Variants in CPA5 observed in about 807,000 individuals in gnomAD.
CPA5 encodes carboxypeptidase A5.
A neutral mutation model predicts 52.2 loss-of-function variants in CPA5; 38 were observed. The observed-to-expected ratio is 0.73, with a 90% CI of 0.56 to 0.95. CPA5 has a LOEUF of 0.95. CPA5 is among the 40% of genes least tolerant of loss of function. The pLI is 0.00. For synonymous variants in CPA5, 198 were observed against 213.7 expected (o/e 0.93, Z 0.64); for missense variants, 519 against 566.7 (o/e 0.92, Z 0.86).
At position 130,347,941 on chromosome 7, in the gene CPA5, C is replaced by A. The variant is rs67016751; in HGVS notation, c.198+94C>A. 4 of 946,156 alleles carry A rather than the reference C, an allele frequency of 4.2e-6. No individual in the cohort carries two copies. In the African/African-American group the frequency reaches 4.9e-5, roughly 12 times the overall value. 58.6% of individuals were successfully genotyped at this position (946,156 alleles called of 1,614,324 possible). A position where few individuals can be genotyped will look rare whatever the true frequency, so the allele number is the denominator to read the frequency against. On this transcript the variant is annotated intron_variant, in intron 4 of 12. Transcript: ENST00000474905. ...CCTGCCCCCCTTTATCCCAAACCTG[C>A]CCTCCTGAGGTCCCTGCAAAGAGCA...
chr7:130,363,442 G>A lies in CPA5; in HGVS notation c.771G>A (p.Lys257=). The change falls in exon 10 of 13, where the codon AAG becomes AAA. Residue 257 remains lysine, a synonymous_variant. Transcript: ENST00000474905. ...AGAACCGCTTATGGCGGAAGAACAA[G>A]TCCATCAGACCTGGAATCTTCTGCA... The part of the protein sequence containing the change: ...HSMNRLWRKN[K]SIRPGIFCIG... 2 of 1,577,018 alleles carry A rather than the reference G, an allele frequency of 1.3e-6. No individual in the cohort carries two copies. The highest frequency in any genetic ancestry group is 1.7e-6 in the Non-Finnish European group (2 of 1,160,552).
chr7:130,358,494 A>G (rs979262850), intron 5 of CPA5, among the ~76,000 whole-genome samples: 9 of 152,144 alleles, frequency 5.9e-5, no homozygotes, highest in African/African-American at 1.9e-4. Flanking sequence ...AGGTCATCTG[A>G]CCAGATCAAG....
intron 3 of CPA5, 115 bp from the exon 4 acceptor site, chr7:130,347,651 G>A: frequency 1.2e-6 from 1 of 808,344 alleles, no homozygotes; most frequent in Non-Finnish European, 2.1e-6. Context: ...GTGCCTCCTG[G>A]CCTCCCCGCC....
At chr7:130,366,388 C>T (rs1554408404) in intron 10 of CPA5, among the ~76,000 whole-genome samples, 1 of 152,174 alleles carries the variant, frequency 6.6e-6, no homozygotes, top group African/African-American at 2.4e-5. Context: ...CCTTAGCCTA[C>T]AAAGTCTTGA....
In CPA5 at chr7:130,362,440, C is replaced by T. The variant is rs1554406924; in HGVS notation, c.537C>T (p.Phe179=). 2 of 1,610,062 alleles carry T rather than the reference C, an allele frequency of 1.2e-6. No individual in the cohort carries two copies. Among genetic ancestry groups the T allele is most frequent in the Non-Finnish European group, 1.7e-6 (2 of 1,176,722 alleles). ...FENQSILVLK[F]STGGSRHPAI... ...TGGGGCCCGATTCTTTTTCTCAGTT[C>T]AGCACTGGAGGTTCTCGGCACCCAG... Residue 179 remains phenylalanine (F), a splice_region_variant and synonymous_variant, in exon 8 of 13, where the codon TTC becomes TTT. Transcript: ENST00000474905.
intron 10 of CPA5, among the ~76,000 whole-genome samples, chr7:130,365,230 A>G (rs1165419037): frequency 6.6e-6 from 1 of 152,182 alleles, no homozygotes; most frequent in East Asian, 1.9e-4. Flanking sequence ...AAAATTAGGC[A>G]TTTCCACCTC....
Position 130,346,380 on chromosome 7 carries a change from TG to T in CPA5, c.-93-12del, listed in dbSNP as rs1794739429. On this transcript the variant is annotated splice_polypyrimidine_tract_variant and intron_variant, in intron 2 of 12. Transcript: ENST00000474905. ...ATGCTGGGTGCCCCAGACAGCCTAA[TG>T]CTCTTTCTCAGGCTGGGCTTTCCAG... 1.3e-6 allele frequency: 1 copy of T among 791,458 alleles called. No individual in the cohort carries two copies. Among genetic ancestry groups the T allele is most frequent in the East Asian group, 2.6e-5 (1 of 39,070 alleles). The allele number at this position is 791,458 out of a possible 1,614,324, so 49.0% of individuals were successfully genotyped here. A position where few individuals can be genotyped will look rare whatever the true frequency, so the allele number is the denominator to read the frequency against.
chr7:130,357,623 CA>C (rs140601691), intron 5 of CPA5, among the ~76,000 whole-genome samples: 1,517 of 94,890 alleles, frequency 0.016, 4 homozygotes, highest in Non-Finnish European at 0.015. Context: ...AATTCCATCT[CA>C]AAAAAAAAAA....
chr7:130,352,104 G>A (rs1352463151), intron 5 of CPA5, among the ~76,000 whole-genome samples: 3 of 152,152 alleles, frequency 2.0e-5, no homozygotes, highest in Admixed American at 2.0e-4. Context: ...GAGTGGTCGT[G>A]TTTGGTGGCT....
chr7:130,358,134 G>A (rs1344113619), intron 5 of CPA5, among the ~76,000 whole-genome samples: 3 of 151,896 alleles, frequency 2.0e-5, no homozygotes, highest in East Asian at 1.9e-4. Flanking sequence ...ATGGGACTGC[G>A]GGCATGCGTC....
intron 10 of CPA5, among the ~76,000 whole-genome samples, chr7:130,363,725 A>C (rs1554407503): frequency 6.6e-6 from 1 of 152,174 alleles, no homozygotes; most frequent in Non-Finnish European, 1.5e-5. Flanking sequence ...GAGTGTACAC[A>C]TGTGCCAAAC....
intron 10 of CPA5, among the ~76,000 whole-genome samples, chr7:130,364,538 T>C (rs1795969831): frequency 1.3e-5 from 2 of 152,232 alleles, no homozygotes; most frequent in African/African-American, 4.8e-5. Context: ...GGTTTCACCA[T>C]GTTCCCTCAG....
At chr7:130,347,232 A>G (rs1794815799) in intron 3 of CPA5, among the ~76,000 whole-genome samples, 1 of 152,138 alleles carries the variant, frequency 6.6e-6, no homozygotes. Context: ...TTGGATACGC[A>G]ACCTCCACTC....
chr7:130,361,274 T>C, intron 7 of CPA5, 30 bp downstream of exon 7: 3 of 1,486,446 alleles, frequency 2.0e-6, no homozygotes, highest in Middle Eastern at 1.7e-4. Context: ...ACCTGTAGAC[T>C]CTACCTTGAG....
intron 7 of CPA5, 98 bp from the exon 8 acceptor site, chr7:130,362,340 A>G (rs1157571245): frequency 7.8e-6 from 6 of 767,156 alleles, no homozygotes; most frequent in Non-Finnish European, 1.3e-5. Context: ...AAGCTGCCCC[A>G]GGCACTGAGG....
At chr7:130,370,650 A>C (rs972512382), downstream of CPA5, among the ~76,000 whole-genome samples, 1 of 152,228 alleles carries the variant, frequency 6.6e-6, no homozygotes, top group Non-Finnish European at 1.5e-5. Context: ...TTGTTGAGAA[A>C]GATTTGAACT....
intron 5 of CPA5, among the ~76,000 whole-genome samples, chr7:130,355,993 G>A (rs1265352731): frequency 6.6e-6 from 1 of 152,160 alleles, no homozygotes; most frequent in East Asian, 1.9e-4. Context: ...CTTCAGATCA[G>A]CAGCCACCCC....
intron 5 of CPA5, among the ~76,000 whole-genome samples, chr7:130,358,937 G>T (rs1795640547): frequency 6.6e-6 from 1 of 152,232 alleles, no homozygotes; most frequent in Non-Finnish European, 1.5e-5. Context: ...GGCTCATCAA[G>T]ACTTGTGTTT....
rs200863055 is a variant in CPA5 at position 130,362,580 on chromosome 7, G to A, written c.636+41G>A. ...TAGCCAAGGTGCACCCACGATGGGG[G>A]CTGCAACTGGGGGCAGGAACTTACT... On this transcript the variant is annotated intron_variant, in intron 8 of 12. Coordinates refer to ENST00000474905, the MANE Select transcript of CPA5 (RefSeq NM_080385.5). 304 of 1,422,252 alleles carry A rather than the reference G, an allele frequency of 2.1e-4. No homozygotes were observed. In the African/African-American group the frequency reaches 3.8e-3, roughly 18 times the overall value. 88.1% of individuals were successfully genotyped at this position (1,422,252 alleles called of 1,614,324 possible).
Sources: gnomAD v4.1 joint callset for allele counts (sites outside exome capture counted in the v4.1 genomes callset) on GRCh38, gnomAD v4.1.1 for gene constraint, MANE v1.5 for transcripts, NCBI Gene and HGNC (gene_info 2026-07-23, HGNC 2026-07-21) for gene names.